The following COL8A1 variants were observed in gnomAD, a reference collection of about 807,000 sequenced individuals.
COL8A1 encodes collagen alpha-1(VIII) chain.
COL8A1 carries 21 observed loss-of-function variants against 42.7 expected under a neutral mutation model. That is an observed-to-expected ratio of 0.49 (90% CI 0.35 to 0.71). COL8A1 has a LOEUF of 0.71. Among genes scored for constraint, COL8A1 ranks in the 30% least tolerant of loss-of-function variants. COL8A1 has a pLI of 0.01. For synonymous variants in COL8A1, 367 were observed against 369.1 expected, an observed-to-expected ratio of 0.99 and a Z score of 0.06; for missense variants, 788 against 962.4, an observed-to-expected ratio of 0.82 and a Z score of 2.40.
At chr3:99,733,172 AG>A (rs1940577555) in intron 1 of COL8A1, among the ~76,000 whole-genome samples, 2 of 142,164 alleles carry the variant, frequency 1.4e-5, no homozygotes, top group South Asian at 4.5e-4. Flanking sequence ...TATACTTTTA[AG>A]TTTTAGGGTA....
chr3:99,733,469 G>C (rs1352748728), intron 1 of COL8A1, among the ~76,000 whole-genome samples: 1 of 147,950 alleles, frequency 6.8e-6, no homozygotes, highest in Non-Finnish European at 1.5e-5. Flanking sequence ...CCCTACAAAG[G>C]ACATGAACTC....
intron 1 of COL8A1, among the ~76,000 whole-genome samples, chr3:99,714,351 G>A (rs970070025): frequency 1.3e-5 from 2 of 151,986 alleles, no homozygotes; most frequent in African/African-American, 4.8e-5. Context: ...AAAAGCATAA[G>A]CATTTGGACA....
chr3:99,652,615 A>G (rs574216537), intron 1 of COL8A1, among the ~76,000 whole-genome samples: 1 of 152,348 alleles, frequency 6.6e-6, no homozygotes, highest in African/African-American at 2.4e-5. Flanking sequence ...AAAGTGCAGC[A>G]AAAGAAAGCG....
chr3:99,751,369 C>A (rs550917524), intron 2 of COL8A1, among the ~76,000 whole-genome samples: 1 of 152,220 alleles, frequency 6.6e-6, no homozygotes, highest in South Asian at 2.1e-4. Flanking sequence ...ACCAGCCTGG[C>A]CAACATGGCG....
At chr3:99,643,589 C>T (rs958784264) in intron 1 of COL8A1, among the ~76,000 whole-genome samples, 1 of 152,206 alleles carries the variant, frequency 6.6e-6, no homozygotes, top group Non-Finnish European at 1.5e-5. Flanking sequence ...ACAGTCTATA[C>T]AGACATACAG....
At chr3:99,717,208 T>A (rs1940024171) in intron 1 of COL8A1, among the ~76,000 whole-genome samples, 1 of 152,062 alleles carries the variant, frequency 6.6e-6, no homozygotes, top group Non-Finnish European at 1.5e-5. Context: ...ATGACATATA[T>A]TTTATGTAAA....
intron 1 of COL8A1, among the ~76,000 whole-genome samples, chr3:99,743,857 A>G (rs899914054): frequency 2.0e-5 from 3 of 152,204 alleles, no homozygotes; most frequent in Admixed American, 6.5e-5. Context: ...CTGGCTTTCA[A>G]ACTGATGTAT....
In COL8A1 at chr3:99,794,578, G is replaced by C; in HGVS notation, c.677G>C (p.Gly226Ala). The C allele has an allele frequency of 1.9e-6, 3 of 1,613,660 alleles. No individual in the cohort carries two copies. Among genetic ancestry groups the C allele is most frequent in the Middle Eastern group, 1.7e-4 (1 of 6,054 alleles). The change falls in exon 4 of 4, where the codon GGA (glycine) becomes GCA (alanine). Residue 226 changes from glycine (G) to alanine (A), a missense_variant. Physicochemically the swap from Gly to Ala is moderately conservative, Grantham distance 60. Transcript: ENST00000652472. The surrounding 1 kb of genome is among the most constrained non-coding windows in gnomAD (Gnocchi z 4.3). ...CAACCAGGACCAAAGGGTGATCGAG[G>C]ACCCAAAGGACTACCAGGACCTCAA... ...PGQPGPKGDR[G>A]PKGLPGPQGL...
rs188994496 is a variant in COL8A1 at position 99,713,698 on chromosome 3, G to A, written c.-128-31199G>A. Among the ~76,000 whole-genome samples the A allele has an allele frequency of 4.5e-3, 678 of 152,132 alleles. 6 individuals are homozygous for A. The highest frequency in any genetic ancestry group is 0.015 in the African/African-American group (635 of 41,520). On this transcript the variant is annotated intron_variant, in intron 1 of 3. Transcript: ENST00000652472. Reference sequence around the variant, plus strand: ...AGCCCTGTTTAATCCTTCTCTCAAGGAGCAGTGGTATTGTTTCAATAAAGT... The same window carrying A: ...AGCCCTGTTTAATCCTTCTCTCAAGAAGCAGTGGTATTGTTTCAATAAAGT...
chr3:99,749,604 C>A (rs948303077), intron 2 of COL8A1, among the ~76,000 whole-genome samples: 1 of 152,104 alleles, frequency 6.6e-6, no homozygotes, highest in Non-Finnish European at 1.5e-5. Flanking sequence ...AGTCACTATT[C>A]ATGTTCTAAA....
chr3:99,682,290 G>A (rs1258613551), intron 1 of COL8A1, among the ~76,000 whole-genome samples: 3 of 152,070 alleles, frequency 2.0e-5, no homozygotes, highest in Non-Finnish European at 2.9e-5. Flanking sequence ...GGCGGTGCAC[G>A]CCTGTAATCC....
intron 1 of COL8A1, among the ~76,000 whole-genome samples, chr3:99,689,207 G>A (rs1268617058): frequency 1.3e-5 from 2 of 152,214 alleles, no homozygotes; most frequent in Non-Finnish European, 2.9e-5. Flanking sequence ...AAGGAAGTCA[G>A]AGTTGAGTTT....
chr3:99,683,396 A>C (rs1363884795), intron 1 of COL8A1, among the ~76,000 whole-genome samples: 4 of 152,226 alleles, frequency 2.6e-5, no homozygotes, highest in Non-Finnish European at 4.4e-5. Flanking sequence ...AAATCACAGG[A>C]GATAATATAT....
intron 1 of COL8A1, chr3:99,677,802 G>C (rs948410253): frequency 1.3e-5 from 2 of 152,088 alleles, no homozygotes; most frequent in African/African-American, 4.8e-5. Context: ...CTATGGGAAG[G>C]CTTCACAAGA....
At position 99,796,272 on chromosome 3, in the gene COL8A1, A is replaced by G; in HGVS notation, c.*136A>G. On this transcript the variant is annotated 3_prime_UTR_variant, in exon 4 of 4. Coordinates refer to ENST00000652472, the MANE Select transcript of COL8A1 (RefSeq NM_020351.4). ...AAGTTATATGTAAGTGAAAATTTGG[A>G]CCATTGTGTACAAATAAAAACTAAG... 1 of 681,682 alleles carries G rather than the reference A, an allele frequency of 1.5e-6. No individual in the cohort carries two copies. The highest frequency in any genetic ancestry group is 2.3e-6 in the Non-Finnish European group (1 of 438,634). The allele number at this position is 681,682 out of a possible 1,614,324, so 42.2% of individuals were successfully genotyped here.
intron 1 of COL8A1, among the ~76,000 whole-genome samples, chr3:99,651,090 A>C (rs1240965684): frequency 6.6e-6 from 1 of 151,850 alleles, no homozygotes; most frequent in Non-Finnish European, 1.5e-5. Context: ...TTTTTCCTTT[A>C]TTTTAGTGGC....
At chr3:99,788,242 G>C (rs1053651908) in intron 2 of COL8A1, among the ~76,000 whole-genome samples, 1 of 152,204 alleles carries the variant, frequency 6.6e-6, no homozygotes, top group African/African-American at 2.4e-5. Flanking sequence ...TAAAGAGCCA[G>C]AGAAATGGCA....
chr3:99,698,731 T>A (rs1576436554), intron 1 of COL8A1, among the ~76,000 whole-genome samples: 2 of 152,384 alleles, frequency 1.3e-5, no homozygotes, highest in Non-Finnish European at 2.9e-5. Context: ...GTGTATGTAC[T>A]GTATGTATAT....
intron 1 of COL8A1, among the ~76,000 whole-genome samples, chr3:99,733,112 T>A (rs574783605): frequency 1.4e-5 from 2 of 139,798 alleles, no homozygotes; most frequent in African/African-American, 5.6e-5. Flanking sequence ...CTCTCCCAGC[T>A]TTTTTCTTTT....
Sources: allele counts gnomAD v4.1 joint callset (sites outside exome capture counted in the v4.1 genomes callset), GRCh38; gene constraint gnomAD v4.1.1; non-coding constraint Gnocchi (gnomAD v3.1); transcripts MANE v1.5; gene names NCBI Gene and HGNC (gene_info 2026-07-23, HGNC 2026-07-21).